Variants in IQCH observed in about 807,000 individuals in gnomAD.
The protein encoded by IQCH is IQ domain-containing protein H.
IQCH carries 98 observed loss-of-function variants against 117.0 expected under a neutral mutation model. The observed-to-expected ratio is 0.84, with a 90% CI of 0.71 to 0.99. The LOEUF is 0.99. Ranked by LOEUF, IQCH falls within the 50% of genes least tolerant of loss-of-function variation. IQCH has a pLI of 0.00. For synonymous variants in IQCH, 412 were observed against 448.2 expected, an observed-to-expected ratio of 0.92 and a Z score of 1.02; for missense variants, 1,102 against 1,243.8, an observed-to-expected ratio of 0.89 and a Z score of 1.72.
rs779360494 is a variant in IQCH, at chr15:67,447,368, C to T, written c.2506-17759C>T. Among the ~76,000 whole-genome samples, 1 of 152,190 alleles carries T rather than the reference C, an allele frequency of 6.6e-6. No homozygotes were observed. The highest frequency in any genetic ancestry group is 2.4e-5 in the African/African-American group (1 of 41,442). The stretch of plus-strand genomic sequence containing the variant: ...CCAAAAGGATGTCCTATTAGCCTGA[C>T]AGGGTGCTGAATCTTTCCTACAAAC... On this transcript the variant is annotated intron_variant, in intron 16 of 20. Coordinates refer to ENST00000335894, the MANE Select transcript of IQCH (RefSeq NM_001031715.3). The surrounding 1 kb of genome is among the most constrained non-coding windows in gnomAD (Gnocchi z 5.3).
rs1970288933 is a variant in IQCH, at chr15:67,365,180, A to G, written c.753+5295A>G. Among the ~76,000 whole-genome samples the G allele has an allele frequency of 6.6e-6, 1 of 152,140 alleles. No homozygotes were observed. Among genetic ancestry groups the G allele is most frequent in the African/African-American group, 2.4e-5 (1 of 41,436 alleles). ...AGGCTGGTCTGGAACTCGTGGACTCAAGTGATCTGCCTGCCTTGACCTCCC... is the reference window on the plus strand; with the variant it reads ...AGGCTGGTCTGGAACTCGTGGACTCGAGTGATCTGCCTGCCTTGACCTCCC... On this transcript the variant is annotated intron_variant, in intron 8 of 20. Coordinates refer to ENST00000335894, the MANE Select transcript of IQCH (RefSeq NM_001031715.3). The surrounding 1 kb of genome is among the most constrained non-coding windows in gnomAD (Gnocchi z 4.4).
intron 1 of IQCH, among the ~76,000 whole-genome samples, chr15:67,260,468 C>A (rs1221508501): frequency 6.6e-6 from 1 of 152,218 alleles, no homozygotes; most frequent in Non-Finnish European, 1.5e-5. Flanking sequence ...ACTCCTTCTT[C>A]AGAGCAGTAA....
Position 67,481,910 on chromosome 15 carries a change from A to G in IQCH, c.2799+6092A>G, listed in dbSNP as rs749952894. Among the ~76,000 whole-genome samples the G allele has an allele frequency of 4.6e-5, 7 of 152,180 alleles. No homozygotes were observed. The highest frequency in any genetic ancestry group is 7.3e-5 in the Non-Finnish European group (5 of 68,032). On this transcript the variant is annotated intron_variant, in intron 18 of 20. Coordinates refer to ENST00000335894, the MANE Select transcript of IQCH (RefSeq NM_001031715.3). The surrounding 1 kb of genome is among the most constrained non-coding windows in gnomAD (Gnocchi z 4.1). ...AACCCTTGGGCCCTCAACTATCTACAGGCAGGAAGTGGGTGAGAAAGTTTT... is the reference window on the plus strand; with the variant it reads ...AACCCTTGGGCCCTCAACTATCTACGGGCAGGAAGTGGGTGAGAAAGTTTT...
At chr15:67,414,001 T>C (rs537378749) in intron 14 of IQCH, among the ~76,000 whole-genome samples, 2 of 152,322 alleles carry the variant, frequency 1.3e-5, no homozygotes, top group East Asian at 3.9e-4. Context: ...TTATTGGCCC[T>C]CACATAGTAT....
chr15:67,337,021 C>A lies in IQCH; in HGVS notation c.434C>A (p.Thr145Lys). The A allele has an allele frequency of 6.2e-7, 1 of 1,613,664 alleles. No individual in the cohort carries two copies. Among genetic ancestry groups the A allele is most frequent in the African/African-American group, 1.3e-5 (1 of 75,002 alleles). Reference protein sequence around the residue: ...LIKGSNISSLTVLPSSHCTDP... With the variant: ...LIKGSNISSLKVLPSSHCTDP... ...AAAGGGTCTAACATATCCAGCCTCA[C>A]GGTTCTGCCATCTTCTCATTGCACA... Residue 145 changes from threonine to lysine, a missense_variant, in exon 5 of 21, where the codon ACG becomes AAG. Around this residue, in one of 2 missense-constraint regions of IQCH, gnomAD observed 452 missense variants for 449.6 expected, o/e 1.01. Coordinates refer to ENST00000335894, the MANE Select transcript of IQCH (RefSeq NM_001031715.3).
intron 15 of IQCH, among the ~76,000 whole-genome samples, chr15:67,419,098 C>T (rs2081657004): frequency 6.6e-6 from 1 of 152,160 alleles, no homozygotes; most frequent in African/African-American, 2.4e-5. Flanking sequence ...CCTCTACCTC[C>T]TGTTCATCTT....
At chr15:67,343,365 G>C (rs1969252836) in intron 5 of IQCH, among the ~76,000 whole-genome samples, 1 of 152,104 alleles carries the variant, frequency 6.6e-6, no homozygotes, top group African/African-American at 2.4e-5. Flanking sequence ...CTTAACAAAA[G>C]TTTTCCCTCT....
rs1274228641 is a variant in IQCH at position 67,307,322 on chromosome 15, G to T, written c.387+27810G>T. 5 of 258,716 alleles carry T rather than the reference G, an allele frequency of 1.9e-5. No homozygotes were observed. In the East Asian group the frequency reaches 5.3e-4, roughly 27 times the overall value. The allele number at this position is 258,716 out of a possible 1,614,324, so 16.0% of individuals were successfully genotyped here. On this transcript the variant is annotated intron_variant, in intron 4 of 20. Coordinates refer to ENST00000335894, the MANE Select transcript of IQCH (RefSeq NM_001031715.3). Reference sequence around the variant, plus strand: ...TTATGCAGTGTTTTCCACTAACTTAGTTGGGTAGCAACCACACTTCACAAA... The same window carrying T: ...TTATGCAGTGTTTTCCACTAACTTATTTGGGTAGCAACCACACTTCACAAA...
intron 3 of IQCH, among the ~76,000 whole-genome samples, chr15:67,266,694 C>T (rs988873764): frequency 3.3e-5 from 5 of 152,092 alleles, no homozygotes; most frequent in African/African-American, 1.2e-4. Context: ...ATACTCTATA[C>T]TTAGGTGAGG....
At chr15:67,294,004 AG>A (rs1205011437) in intron 4 of IQCH, among the ~76,000 whole-genome samples, 1 of 152,204 alleles carries the variant, frequency 6.6e-6, no homozygotes, top group Non-Finnish European at 1.5e-5. Flanking sequence ...GGTCCCCTAT[AG>A]ATACAGTAGT....
intron 17 of IQCH, among the ~76,000 whole-genome samples, chr15:67,470,625 T>C (rs2083050089): frequency 6.6e-6 from 1 of 152,206 alleles, no homozygotes; most frequent in Non-Finnish European, 1.5e-5. Flanking sequence ...TTTTAAAAAA[T>C]AAACAGTTCA....
chr15:67,278,624 G>T (rs1430735392), intron 3 of IQCH, among the ~76,000 whole-genome samples: 1 of 152,148 alleles, frequency 6.6e-6, no homozygotes, highest in Non-Finnish European at 1.5e-5. Context: ...CTTGTTGTGA[G>T]AATAGGAATG....
At chr15:67,499,363 C>T (rs2083919475) in intron 20 of IQCH, among the ~76,000 whole-genome samples, 1 of 127,062 alleles carries the variant, frequency 7.9e-6, no homozygotes, top group Admixed American at 7.8e-5. Flanking sequence ...GAATGCTCAA[C>T]ATCATAAGTT....
At chr15:67,271,986 A>C (rs536447749) in intron 3 of IQCH, among the ~76,000 whole-genome samples, 2 of 151,908 alleles carry the variant, frequency 1.3e-5, no homozygotes, top group Non-Finnish European at 2.9e-5. Context: ...TTGCTTTTCT[A>C]ATTCCTGGAG....
At chr15:67,274,903 A>C (rs909489742) in intron 3 of IQCH, among the ~76,000 whole-genome samples, 2 of 152,106 alleles carry the variant, frequency 1.3e-5, no homozygotes, top group African/African-American at 4.8e-5. Context: ...ATTTGTGTCA[A>C]ATCTAATAAA....
chr15:67,307,210 A>G, intron 4 of IQCH: 1 of 826,302 alleles, frequency 1.2e-6, no homozygotes, highest in Non-Finnish European at 1.5e-6. Context: ...AAATATATAT[A>G]TAATGCAATG....
In IQCH at chr15:67,494,270, G is replaced by C; in HGVS notation, c.2874G>C (p.Glu958Asp). The change falls in exon 20 of 21, where the codon GAG (glutamate) becomes GAC (aspartate). Residue 958 changes from glutamate (E) to aspartate (D), a missense_variant. Glu to Asp is a conservative substitution (Grantham distance 45, BLOSUM62 2). Around this residue, in one of 2 missense-constraint regions of IQCH, gnomAD observed 650 missense variants for 794.3 expected, o/e 0.82. Coordinates refer to ENST00000335894, the MANE Select transcript of IQCH (RefSeq NM_001031715.3). This position sits in a 1 kb window ranked among gnomAD's most constrained non-coding sequence, Gnocchi z 5.5. ...ATATCATTAACAGAACAATCGGCGA[G>C]GATCTCCAGGGGGTCCTCATGACCT... ...RHKLGMLTIG[E>D]DLQGVLMTFA... is the part of the protein sequence containing the mutation. The C allele has an allele frequency of 6.2e-7, 1 of 1,608,186 alleles. No individual in the cohort carries two copies. The highest frequency in any genetic ancestry group is 8.5e-7 in the Non-Finnish European group (1 of 1,178,460).
At chr15:67,497,834 A>G (rs1596506308) in intron 20 of IQCH, among the ~76,000 whole-genome samples, 1 of 152,172 alleles carries the variant, frequency 6.6e-6, no homozygotes, top group African/African-American at 2.4e-5. Context: ...AGTGAAAACT[A>G]TAAGACATGG....
At chr15:67,259,056 T>A (rs943630439) in intron 1 of IQCH, among the ~76,000 whole-genome samples, 3 of 152,210 alleles carry the variant, frequency 2.0e-5, no homozygotes, top group Non-Finnish European at 4.4e-5. Context: ...CAATTAACAT[T>A]TACAGGGTAT....
Sources: gnomAD v4.1 joint callset for allele counts (sites outside exome capture counted in the v4.1 genomes callset) on GRCh38, gnomAD v4.1.1 for gene constraint, gnomAD v4.1.1 regional missense constraint, Gnocchi (gnomAD v3.1) non-coding constraint, MANE v1.5 for transcripts, NCBI Gene and HGNC (gene_info 2026-07-23, HGNC 2026-07-21) for gene names.